The following MBNL1 variants were observed in gnomAD, a reference collection of about 807,000 sequenced individuals.
MBNL1 encodes the protein muscleblind-like protein 1.
Under a neutral mutation model 42.2 loss-of-function variants are expected in MBNL1, and 8 were observed. The ratio of observed to expected loss-of-function variants is 0.19; its 90% CI spans 0.11 to 0.34. The LOEUF (loss-of-function observed/expected upper bound fraction) is 0.34, where lower values mean the gene tolerates loss of function less well. MBNL1 is among the 10% of genes least tolerant of loss of function. The probability of loss-of-function intolerance (pLI) is 1.00; values close to 1 mark genes in which losing one functional copy is unlikely to be tolerated. For missense variants in MBNL1, 309 were observed against 495.3 expected (o/e 0.62, Z 3.57); for synonymous variants, 169 against 173.9 (o/e 0.97, Z 0.22).
intron 2 of MBNL1, among the ~76,000 whole-genome samples, chr3:152,250,474 C>T (rs987874939): frequency 1.1e-4 from 16 of 151,938 alleles, no homozygotes; most frequent in African/African-American, 3.6e-4. Context: ...GATTTTGTAT[C>T]CTGAGACTTT....
At chr3:152,353,808 C>T (rs1309770435) in intron 2 of MBNL1, among the ~76,000 whole-genome samples, 2 of 151,990 alleles carry the variant, frequency 1.3e-5, no homozygotes, top group African/African-American at 2.4e-5. Flanking sequence ...AGCCCACCCA[C>T]TGTAGCCTTC....
At chr3:152,429,921 T>C (rs1332357128) in intron 3 of MBNL1, among the ~76,000 whole-genome samples, 1 of 152,094 alleles carries the variant, frequency 6.6e-6, no homozygotes, top group Non-Finnish European at 1.5e-5. Flanking sequence ...AGGGAACAAT[T>C]TGAGATAGTG....
intron 6 of MBNL1, among the ~76,000 whole-genome samples, chr3:152,453,065 TAAA>T (rs1726742173): frequency 6.6e-6 from 1 of 151,634 alleles, no homozygotes; most frequent in Non-Finnish European, 1.5e-5. Flanking sequence ...TTAATAAAAA[TAAA>T]GAAGGTACTG....
chr3:152,346,194 T>G (rs73869994), intron 2 of MBNL1, among the ~76,000 whole-genome samples: 2,487 of 152,160 alleles, frequency 0.016, 70 homozygotes, highest in African/African-American at 0.057. Context: ...CAGCTAAGCT[T>G]AAGACAAAAA....
chr3:152,313,408 G>A (rs1455792218), intron 2 of MBNL1, among the ~76,000 whole-genome samples: 1 of 152,180 alleles, frequency 6.6e-6, no homozygotes, highest in Non-Finnish European at 1.5e-5. Flanking sequence ...TGATACCATA[G>A]TGACTTCCTA....
At chr3:152,429,206 G>A (rs1379857768) in intron 3 of MBNL1, among the ~76,000 whole-genome samples, 1 of 152,102 alleles carries the variant, frequency 6.6e-6, no homozygotes, top group Non-Finnish European at 1.5e-5. Flanking sequence ...AAATAAATAA[G>A]GAATTACTAC....
At position 152,376,648 on chromosome 3, in the gene MBNL1, A is replaced by AT. The variant is rs200201719; in HGVS notation, c.175-38284dup. Among the ~76,000 whole-genome samples, 482 of 151,422 alleles carry AT rather than the reference A, an allele frequency of 3.2e-3. 1 individual carries two copies. Among genetic ancestry groups the AT allele is most frequent in the African/African-American group, 0.011 (453 of 41,322 alleles). ...CAAAAGCCCAAGGAATCTAAAGAAC[A>AT]TTTTTTTTTGGCTAATAGTATGTTT... On this transcript the variant is annotated intron_variant, in intron 2 of 9. Coordinates refer to ENST00000324210, the MANE Select transcript of MBNL1 (RefSeq NM_021038.5).
At chr3:152,403,650 A>G (rs564240168) in intron 2 of MBNL1, among the ~76,000 whole-genome samples, 1 of 152,262 alleles carries the variant, frequency 6.6e-6, no homozygotes, top group East Asian at 1.9e-4. Context: ...GGAATTCTCT[A>G]GGTATGGGGG....
intron 1 of MBNL1, among the ~76,000 whole-genome samples, chr3:152,288,159 A>T (rs181318142): frequency 6.6e-6 from 1 of 152,350 alleles, no homozygotes; most frequent in East Asian, 1.9e-4. Context: ...TTAAAAATTC[A>T]CTTTCAGGTA....
At chr3:152,260,844 T>G (rs2036133709) in intron 2 of MBNL1, among the ~76,000 whole-genome samples, 1 of 152,178 alleles carries the variant, frequency 6.6e-6, no homozygotes, top group African/African-American at 2.4e-5. Context: ...TCCAAGCATG[T>G]GCATGACAAA....
intron 2 of MBNL1, among the ~76,000 whole-genome samples, chr3:152,404,506 G>A (rs184304530): frequency 1.3e-5 from 2 of 152,098 alleles, no homozygotes; most frequent in East Asian, 3.9e-4. Context: ...TACAACAAAT[G>A]CCTCATATAA....
chr3:152,388,896 A>C (rs2097557674), intron 2 of MBNL1, among the ~76,000 whole-genome samples: 1 of 152,206 alleles, frequency 6.6e-6, no homozygotes, highest in Non-Finnish European at 1.5e-5. Context: ...AAGGGCAAAG[A>C]AGGAAGGTGA....
At chr3:152,301,805 G>A (rs2060832142) in intron 2 of MBNL1, 1 of 152,154 alleles carries the variant, frequency 6.6e-6, no homozygotes, top group Non-Finnish European at 1.5e-5. Context: ...ATTAGAGACT[G>A]AGACCCATAA....
chr3:152,388,550 A>G (rs1464803992), intron 2 of MBNL1, among the ~76,000 whole-genome samples: 1 of 152,204 alleles, frequency 6.6e-6, no homozygotes, highest in East Asian at 1.9e-4. Flanking sequence ...AGTTCCCTTG[A>G]TTGTGAGTGC....
intron 2 of MBNL1, among the ~76,000 whole-genome samples, chr3:152,354,560 A>T (rs1351506066): frequency 1.3e-5 from 2 of 152,182 alleles, no homozygotes; most frequent in Non-Finnish European, 2.9e-5. Flanking sequence ...CTTCATTTTT[A>T]AAAATAATAA....
At chr3:152,302,324 G>C (rs912832056) in intron 2 of MBNL1, 3 of 151,140 alleles carry the variant, frequency 2.0e-5, no homozygotes, top group South Asian at 2.1e-4. Context: ...TCTAAAACTT[G>C]GTAAAATATT....
intron 2 of MBNL1, among the ~76,000 whole-genome samples, chr3:152,308,176 T>G (rs2064254608): frequency 6.6e-6 from 1 of 152,154 alleles, no homozygotes; most frequent in Non-Finnish European, 1.5e-5. Flanking sequence ...GAGTTATAGT[T>G]CAGTACAAAC....
At chr3:152,252,107 C>A (rs990117421) in intron 2 of MBNL1, among the ~76,000 whole-genome samples, 2 of 151,800 alleles carry the variant, frequency 1.3e-5, no homozygotes, top group East Asian at 3.9e-4. Context: ...ACCAATGGAG[C>A]CCATCCATTC....
intron 2 of MBNL1, among the ~76,000 whole-genome samples, chr3:152,326,326 T>C (rs2152503553): frequency 6.6e-6 from 1 of 152,268 alleles, no homozygotes; most frequent in South Asian, 2.1e-4. Flanking sequence ...GGGGGGAACA[T>C]TTCCTGGAAG....
Sources: allele counts gnomAD v4.1 joint callset (sites outside exome capture counted in the v4.1 genomes callset), GRCh38; gene constraint gnomAD v4.1.1; transcripts MANE v1.5; gene names NCBI Gene and HGNC (gene_info 2026-07-23, HGNC 2026-07-21).